Variants in GLIS3 observed in about 807,000 individuals in gnomAD.
GLIS3 encodes zinc finger protein GLIS3.
GLIS3 carries 53 observed loss-of-function variants against 78.6 expected under a neutral mutation model. The ratio of observed to expected loss-of-function variants is 0.67; its 90% CI spans 0.54 to 0.85. The LOEUF is 0.85. Among genes scored for constraint, GLIS3 ranks in the 40% least tolerant of loss-of-function variants. The pLI, the probability that GLIS3 is intolerant of heterozygous loss-of-function variation, is 0.00. For missense variants in GLIS3, 1,703 were observed against 1,231.1 expected (o/e 1.38, Z -5.74); for synonymous variants, 684 against 509.9 (o/e 1.34, Z -4.60).
chr9:4,174,881 A>G (rs1285373022), intron 2 of GLIS3, among the ~76,000 whole-genome samples: 1 of 152,204 alleles, frequency 6.6e-6, no homozygotes, highest in African/African-American at 2.4e-5. Context: ...GTTTATTCCA[A>G]CAACACGCCT....
intron 2 of GLIS3, among the ~76,000 whole-genome samples, chr9:4,183,953 G>C (rs1401135315): frequency 6.6e-6 from 1 of 152,058 alleles, no homozygotes; most frequent in African/African-American, 2.4e-5. Context: ...AGCTAAATTA[G>C]CTGTACTTGC....
At chr9:4,082,849 G>A (rs1828676510) in intron 4 of GLIS3, among the ~76,000 whole-genome samples, 1 of 152,194 alleles carries the variant, frequency 6.6e-6, no homozygotes, top group African/African-American at 2.4e-5. Context: ...ACAGACTTAA[G>A]ATGGAGTTTG....
the GLIS3 span, among the ~76,000 whole-genome samples, chr9:4,485,417 G>A: frequency 8.5e-5 from 13 of 152,208 alleles, no homozygotes; most frequent in Non-Finnish European, 4.4e-5. Context: ...CCACCCCAGA[G>A]ACCGACTCTG....
chr9:4,283,937 G>GT (rs1225053167), intron 2 of GLIS3, among the ~76,000 whole-genome samples: 3 of 152,166 alleles, frequency 2.0e-5, no homozygotes, highest in African/African-American at 7.2e-5. Context: ...GAGGAGCACT[G>GT]TAAGCTAGGA....
chr9:4,092,809 C>T lies in GLIS3; in HGVS notation c.1710+24959G>A, dbSNP rs563318502. Among the ~76,000 whole-genome samples the T allele has an allele frequency of 4.6e-5, 7 of 152,142 alleles. No homozygotes were observed. The East Asian group carries it at 9.6e-4, about 21-fold the overall frequency. On this transcript the variant is annotated intron_variant, in intron 4 of 10. Coordinates refer to ENST00000381971, the MANE Select transcript of GLIS3 (RefSeq NM_001042413.2). ...AAAGCACTCTAAAATAATAATAAAA[C>T]GTATAGTATAGTAAATACATAAAAC...
chr9:4,292,006 G>A (rs757694957), intron 1 of GLIS3, among the ~76,000 whole-genome samples: 4 of 152,214 alleles, frequency 2.6e-5, no homozygotes, highest in African/African-American at 9.6e-5. Context: ...AGGAAAATTA[G>A]GGGTTTTCTT....
At chr9:3,886,782 A>C (rs990952100) in intron 7 of GLIS3, among the ~76,000 whole-genome samples, 5 of 152,212 alleles carry the variant, frequency 3.3e-5, no homozygotes, top group African/African-American at 1.2e-4. Context: ...ACAAACCAGA[A>C]AGAGATTTCT....
chr9:4,227,024 A>C (rs569500954), intron 2 of GLIS3, among the ~76,000 whole-genome samples: 1 of 152,324 alleles, frequency 6.6e-6, no homozygotes, highest in South Asian at 2.1e-4. Flanking sequence ...GGAAAACAAG[A>C]GTTCTTGCAT....
intron 4 of GLIS3, among the ~76,000 whole-genome samples, chr9:4,091,747 T>A (rs1829521929): frequency 6.6e-6 from 1 of 152,110 alleles, no homozygotes; most frequent in Non-Finnish European, 1.5e-5. Flanking sequence ...ATTGTCAGTT[T>A]CCTGAGGCTT....
intron 1 of GLIS3, among the ~76,000 whole-genome samples, chr9:4,296,179 G>A (rs1009164684): frequency 2.0e-5 from 3 of 150,828 alleles, no homozygotes; most frequent in African/African-American, 7.3e-5. Context: ...TCTGGGAGAA[G>A]AGTAAATTAA....
At chr9:3,950,488 C>T (rs1295434457) in intron 4 of GLIS3, among the ~76,000 whole-genome samples, 1 of 152,260 alleles carries the variant, frequency 6.6e-6, no homozygotes, top group African/African-American at 2.4e-5. Flanking sequence ...GCTCCCTCAG[C>T]TCAGTTTCTC....
intron 4 of GLIS3, among the ~76,000 whole-genome samples, chr9:4,006,542 G>A (rs565663105): frequency 1.8e-4 from 27 of 152,166 alleles, no homozygotes; most frequent in Non-Finnish European, 2.2e-4. Flanking sequence ...GGAAGGACAG[G>A]GAATGCAGGT....
At chr9:4,405,786 G>C in the GLIS3 span, among the ~76,000 whole-genome samples, 4 of 151,500 alleles carry the variant, frequency 2.6e-5, no homozygotes, top group African/African-American at 9.7e-5. Flanking sequence ...CTACAGGTCA[G>C]TATCTCTGAT....
At chr9:3,839,202 C>T (rs1474527034) in intron 9 of GLIS3, among the ~76,000 whole-genome samples, 2 of 152,154 alleles carry the variant, frequency 1.3e-5, no homozygotes, top group Admixed American at 6.6e-5. Flanking sequence ...GCCTTTATAA[C>T]CAATACTTTG....
chr9:4,068,332 T>C (rs545010893), intron 4 of GLIS3, among the ~76,000 whole-genome samples: 12 of 152,170 alleles, frequency 7.9e-5, no homozygotes, highest in Non-Finnish European at 1.5e-4. Flanking sequence ...GAATCAGTAG[T>C]ATTTTATTCA....
intron 4 of GLIS3, among the ~76,000 whole-genome samples, chr9:4,057,397 A>G (rs1007562017): frequency 2.6e-5 from 4 of 152,228 alleles, no homozygotes; most frequent in Admixed American, 1.3e-4. Flanking sequence ...CCTAATAAAG[A>G]TATCATAACA....
intron 4 of GLIS3, among the ~76,000 whole-genome samples, chr9:3,974,839 G>A (rs77714012): frequency 0.011 from 1,616 of 152,122 alleles, 30 homozygotes; most frequent in African/African-American, 0.037. Flanking sequence ...TCTTAGTGTA[G>A]GAGAAAATGT....
exon 4 of GLIS3, chr9:4,308,896 A>C (rs962956919): frequency 1.3e-5 from 2 of 152,222 alleles, no homozygotes; most frequent in African/African-American, 2.4e-5. Context: ...GCTGGGATTT[A>C]GTCCTGGCTC....
At chr9:4,238,640 A>G (rs1563809478) in intron 2 of GLIS3, among the ~76,000 whole-genome samples, 1 of 152,210 alleles carries the variant, frequency 6.6e-6, no homozygotes, top group East Asian at 1.9e-4. Flanking sequence ...CTTCATAACC[A>G]AAAACAAAAC....
Sources: gnomAD v4.1 joint callset for allele counts (sites outside exome capture counted in the v4.1 genomes callset) on GRCh38, gnomAD v4.1.1 for gene constraint, MANE v1.5 for transcripts, NCBI Gene and HGNC (gene_info 2026-07-23, HGNC 2026-07-21) for gene names.